SLC8A3: variants seen among roughly 807,000 people sequenced by gnomAD.
SLC8A3 encodes solute carrier family 8 member A3.
In SLC8A3, 37 loss-of-function variants were observed where a neutral mutation model predicts 65.4. The ratio of observed to expected loss-of-function variants is 0.57; its 90% CI spans 0.44 to 0.74. The LOEUF (loss-of-function observed/expected upper bound fraction) is 0.74. SLC8A3 is among the 30% of genes least tolerant of loss of function. The pLI is 0.00. For synonymous variants in SLC8A3, 461 were observed against 444.5 expected, an observed-to-expected ratio of 1.04 and a Z score of -0.47; for missense variants, 1,112 against 1,172.1, an observed-to-expected ratio of 0.95 and a Z score of 0.75.
chr14:70,060,773 T>C, intron 3 of SLC8A3, 63 bp downstream of exon 3: 1 of 924,844 alleles, frequency 1.1e-6, no homozygotes, highest in Admixed American at 1.8e-5. Context: ...TGTTGTTGTT[T>C]TTCAGTTTGT....
rs56350766 is a variant in SLC8A3, at chr14:70,161,357, G to C, written c.1784+5282C>G. Among the ~76,000 whole-genome samples the C allele has an allele frequency of 5.4e-3, 744 of 138,306 alleles. 10 individuals carry two copies. The highest frequency in any genetic ancestry group is 0.018 in the African/African-American group (676 of 37,786). The allele number at this position is 138,306 out of a possible 152,430, so 90.7% of individuals were successfully genotyped here. On this transcript the variant is annotated intron_variant, in intron 2 of 6. Coordinates refer to ENST00000356921, the MANE Select transcript of SLC8A3 (RefSeq NM_182932.3). ...TCAATTATTCCTTTGGGCCTGGAAA[G>C]TGGGCAATTGTGGTTGAACAATCCT...
intron 2 of SLC8A3, among the ~76,000 whole-genome samples, chr14:70,102,310 T>C (rs183837608): frequency 7.9e-5 from 12 of 152,222 alleles, no homozygotes; most frequent in African/African-American, 2.9e-4. Context: ...AAGAATAAGA[T>C]CAAGTTTGAC....
At chr14:70,099,288 CAGA>C (rs1892402614) in intron 2 of SLC8A3, among the ~76,000 whole-genome samples, 1 of 152,120 alleles carries the variant, frequency 6.6e-6, no homozygotes, top group Non-Finnish European at 1.5e-5. Flanking sequence ...TTTTACATTC[CAGA>C]AGATTGTGAC....
intron 2 of SLC8A3, among the ~76,000 whole-genome samples, chr14:70,077,663 GC>G (rs1311384665): frequency 6.6e-6 from 1 of 152,180 alleles, no homozygotes; most frequent in Non-Finnish European, 1.5e-5. Context: ...CATTCTGGAT[GC>G]TTTTATTGAC....
At chr14:70,065,595 G>A (rs1177457814) in intron 2 of SLC8A3, among the ~76,000 whole-genome samples, 1 of 152,110 alleles carries the variant, frequency 6.6e-6, no homozygotes, top group Non-Finnish European at 1.5e-5. Context: ...TCACGTGTAA[G>A]GTCAAATAAT....
chr14:70,177,281 C>T (rs1442869363), intron 1 of SLC8A3, among the ~76,000 whole-genome samples: 1 of 152,166 alleles, frequency 6.6e-6, no homozygotes, highest in Non-Finnish European at 1.5e-5. Flanking sequence ...CAGTGTTCAA[C>T]TTGGAGGCTG....
chr14:70,080,500 A>C (rs1246756591), intron 2 of SLC8A3, among the ~76,000 whole-genome samples: 1 of 152,230 alleles, frequency 6.6e-6, no homozygotes, highest in East Asian at 1.9e-4. Flanking sequence ...ACACTGGCCC[A>C]GACACAGCCT....
intron 2 of SLC8A3, among the ~76,000 whole-genome samples, chr14:70,105,855 T>A (rs993894508): frequency 6.6e-6 from 1 of 152,168 alleles, no homozygotes; most frequent in Non-Finnish European, 1.5e-5. Flanking sequence ...TAGTATCAGA[T>A]TGAACCCAGA....
In SLC8A3 at chr14:70,167,254, T is replaced by A. The variant is rs746046704; in HGVS notation, c.1169A>T (p.Glu390Val). 1 of 1,614,186 alleles carries A rather than the reference T, an allele frequency of 6.2e-7. No homozygotes were observed. Among genetic ancestry groups the A allele is most frequent in the East Asian group, 2.2e-5 (1 of 44,880 alleles). The change falls in exon 2 of 7, where the codon GAG becomes GTG. Residue 390 changes from glutamate (E) to valine (V), a missense_variant. Glu to Val is a moderately radical substitution (Grantham distance 121). Transcript: ENST00000356921. ...GACCTTGGAAATAAAGTCCTCAGGC[T>A]CATCGGTGTGCACCTCGCTCATGCT... is the stretch of plus-strand genomic sequence containing the variant. ...ASSMSEVHTD[E>V]PEDFISKVFF...
intron 2 of SLC8A3, among the ~76,000 whole-genome samples, chr14:70,131,380 G>C (rs1894822115): frequency 6.6e-6 from 1 of 152,214 alleles, no homozygotes; most frequent in Admixed American, 6.5e-5. Context: ...ACAAGGTTTG[G>C]TTGGAATCCT....
At chr14:70,158,508 A>G (rs528717497) in intron 2 of SLC8A3, among the ~76,000 whole-genome samples, 1 of 152,312 alleles carries the variant, frequency 6.6e-6, no homozygotes, top group Non-Finnish European at 1.5e-5. Context: ...TACTATTTGG[A>G]TGTCACTTAT....
intron 2 of SLC8A3, among the ~76,000 whole-genome samples, chr14:70,091,664 A>G (rs1160357422): frequency 6.6e-6 from 1 of 152,116 alleles, no homozygotes; most frequent in Non-Finnish European, 1.5e-5. Flanking sequence ...CATTTGAATC[A>G]CCATCTTTTA....
chr14:70,147,202 A>C (rs184542597), intron 2 of SLC8A3, among the ~76,000 whole-genome samples: 2 of 152,320 alleles, frequency 1.3e-5, no homozygotes, highest in Admixed American at 1.3e-4. Context: ...CAAAAGGAAC[A>C]GTAGGAGGGA....
At chr14:70,096,465 T>C (rs920691110) in intron 2 of SLC8A3, among the ~76,000 whole-genome samples, 1 of 152,198 alleles carries the variant, frequency 6.6e-6, no homozygotes, top group African/African-American at 2.4e-5. Context: ...AGATTTCAGC[T>C]GATCTATCTC....
At chr14:70,178,367 C>T (rs572783652) in intron 1 of SLC8A3, among the ~76,000 whole-genome samples, 2 of 152,236 alleles carry the variant, frequency 1.3e-5, no homozygotes, top group East Asian at 1.9e-4. Context: ...GGTTCCCCCT[C>T]GGGAGTGACA....
chr14:70,048,777 G>A lies in SLC8A3; in HGVS notation c.2379C>T (p.Thr793=). The change falls in exon 6 of 7, where the codon ACC becomes ACT. Residue 793 remains threonine (T), a synonymous_variant. Coordinates refer to ENST00000356921, the MANE Select transcript of SLC8A3 (RefSeq NM_182932.3). ...VTAVVFVAFG[T]SVPDTFASKA... ...ACCTCTCACTCTCACCTGGGACAGA[G>A]GTGCCAAATGCCACGAAAACAACAG... is the stretch of plus-strand genomic sequence containing the variant. 4 of 1,613,856 alleles carry A rather than the reference G, an allele frequency of 2.5e-6. No individual in the cohort carries two copies. Among genetic ancestry groups the A allele is most frequent in the Non-Finnish European group, 3.4e-6 (4 of 1,179,940 alleles).
intron 2 of SLC8A3, among the ~76,000 whole-genome samples, chr14:70,090,430 C>T (rs1437321082): frequency 6.6e-6 from 1 of 152,196 alleles, no homozygotes; most frequent in Non-Finnish European, 1.5e-5. Context: ...AAGAACGGTG[C>T]ATTGGTACTT....
rs1429916578 is a variant in SLC8A3, at chr14:70,106,033, A to T, written c.1785-45094T>A. ...GATACATAAAGGAATGACAAAATTC[A>T]AACTCATTCATGGTTTAAAAAATTA... On this transcript the variant is annotated intron_variant, in intron 2 of 6. Coordinates refer to ENST00000356921, the MANE Select transcript of SLC8A3 (RefSeq NM_182932.3). Among the ~76,000 whole-genome samples the T allele has an allele frequency of 4.6e-5, 7 of 152,316 alleles. No homozygotes were observed. In the East Asian group the frequency reaches 1.2e-3, roughly 25 times the overall value.
chr14:70,170,887 C>T (rs887422719), intron 1 of SLC8A3, among the ~76,000 whole-genome samples: 4 of 152,120 alleles, frequency 2.6e-5, no homozygotes, highest in African/African-American at 4.8e-5. Context: ...TGCCTTTGAC[C>T]TCACTCAGAG....
Sources: allele counts gnomAD v4.1 joint callset (sites outside exome capture counted in the v4.1 genomes callset), GRCh38; gene constraint gnomAD v4.1.1; transcripts MANE v1.5; gene names NCBI Gene and HGNC (gene_info 2026-07-23, HGNC 2026-07-21).